GRM7: variants seen among roughly 807,000 people sequenced by gnomAD.
GRM7 encodes glutamate metabotropic receptor 7.
Under a neutral mutation model 84.5 loss-of-function variants are expected in GRM7, and 35 were observed. The observed-to-expected ratio is 0.41, with a 90% CI of 0.32 to 0.55. The LOEUF (loss-of-function observed/expected upper bound fraction) is 0.55. Among genes scored for constraint, GRM7 ranks in the 20% least tolerant of loss-of-function variants. GRM7 has a pLI of 0.19. For missense variants in GRM7, 1,003 were observed against 1,194.6 expected (o/e 0.84, Z 2.36); for synonymous variants, 487 against 455.1 (o/e 1.07, Z -0.89).
intron 7 of GRM7, among the ~76,000 whole-genome samples, chr3:7,551,133 T>A (rs1693449827): frequency 6.6e-6 from 1 of 152,210 alleles, no homozygotes; most frequent in South Asian, 2.1e-4. Flanking sequence ...CAAAACTCCA[T>A]CTTTCCAAGA....
At chr3:7,609,162 C>T (rs1696731572) in intron 8 of GRM7, among the ~76,000 whole-genome samples, 1 of 152,106 alleles carries the variant, frequency 6.6e-6, no homozygotes, top group African/African-American at 2.4e-5. Flanking sequence ...ATCCCTCATA[C>T]AACTCCTCAA....
At chr3:7,531,506 TCTC>T (rs1701035256) in intron 7 of GRM7, among the ~76,000 whole-genome samples, 1 of 152,176 alleles carries the variant, frequency 6.6e-6, no homozygotes, top group Non-Finnish European at 1.5e-5. Context: ...GGTTTGTAGT[TCTC>T]CTTGAAGGGG....
At chr3:7,570,038 G>A (rs140651105) in intron 7 of GRM7, among the ~76,000 whole-genome samples, 22 of 152,290 alleles carry the variant, frequency 1.4e-4, no homozygotes, top group African/African-American at 5.1e-4. Context: ...CAGATCTCAT[G>A]AGACTCATTC....
rs1352193984 is a variant in GRM7 at position 7,566,116 on chromosome 3, T to G, written c.1516-12306T>G. 5.4e-4 allele frequency among the ~76,000 whole-genome samples: 80 copies of G among 149,412 alleles called. No homozygotes were observed. The Middle Eastern group carries it at 0.01, about 19-fold the overall frequency. On this transcript the variant is annotated intron_variant, in intron 7 of 9. Transcript: ENST00000357716. ...TCTGAATCAGCTGTTTTTTTTTTTT[T>G]TTTTTTTTTTTTTTTTGTAAAAGAT...
chr3:7,066,013 G>A (rs1559416540), intron 1 of GRM7, among the ~76,000 whole-genome samples: 1 of 151,628 alleles, frequency 6.6e-6, no homozygotes, highest in Non-Finnish European at 1.5e-5. Flanking sequence ...AAAACCTCTG[G>A]GATACAGCAA....
intron 7 of GRM7, among the ~76,000 whole-genome samples, chr3:7,529,712 T>C (rs995400808): frequency 1.3e-5 from 2 of 152,040 alleles, no homozygotes; most frequent in Non-Finnish European, 2.9e-5. Context: ...ATTGTTTTTA[T>C]TGTTTCTACT....
chr3:6,965,670 G>T (rs955932196), intron 1 of GRM7, among the ~76,000 whole-genome samples: 16 of 152,084 alleles, frequency 1.1e-4, no homozygotes, highest in African/African-American at 2.9e-4. Context: ...CTTCCTGCCT[G>T]CACCTGATAG....
At chr3:7,495,060 T>C (rs76493995) in intron 7 of GRM7, among the ~76,000 whole-genome samples, 16,472 of 152,222 alleles carry the variant, frequency 0.11, 1,011 homozygotes, top group Non-Finnish European at 0.12. Context: ...TTGTGTCTTA[T>C]ATATATGTTT....
At chr3:7,019,474 C>A (rs1221882662) in intron 1 of GRM7, among the ~76,000 whole-genome samples, 1 of 152,182 alleles carries the variant, frequency 6.6e-6, no homozygotes, top group African/African-American at 2.4e-5. Flanking sequence ...TAAATCCAAA[C>A]AAATAAAATG....
chr3:7,296,713 T>C (rs1459594810), intron 2 of GRM7, among the ~76,000 whole-genome samples: 1 of 152,096 alleles, frequency 6.6e-6, no homozygotes, highest in African/African-American at 2.4e-5. Flanking sequence ...ATCATCAGGG[T>C]TACCCTTCTT....
intron 2 of GRM7, among the ~76,000 whole-genome samples, chr3:7,218,813 A>G (rs553455204): frequency 1.6e-4 from 25 of 151,818 alleles, no homozygotes; most frequent in African/African-American, 5.8e-4. Flanking sequence ...GTGCATTACA[A>G]ATATATATAT....
chr3:6,927,989 G>A (rs1353167103), intron 1 of GRM7, among the ~76,000 whole-genome samples: 1 of 152,060 alleles, frequency 6.6e-6, no homozygotes, highest in Non-Finnish European at 1.5e-5. Context: ...GTAATCACTA[G>A]GTCGCAAATC....
chr3:6,862,960 T>C lies in GRM7; in HGVS notation c.519+1053T>C. On this transcript the variant is annotated intron_variant, in intron 1 of 9. Transcript: ENST00000357716. The surrounding 1 kb of genome is among the most constrained non-coding windows in gnomAD (Gnocchi z 5.2). ...TCTGCCGCAGTGTTCTCTCGCCTCC[T>C]GCTCCAGCAGCCTCTGCCCCATGGC... The C allele has an allele frequency of 2.2e-6, 1 of 455,980 alleles. No homozygotes were observed. Among genetic ancestry groups the C allele is most frequent in the Non-Finnish European group, 4.4e-6 (1 of 226,654 alleles). The allele number at this position is 455,980 out of a possible 1,614,324, so 28.2% of individuals were successfully genotyped here.
At chr3:7,495,514 G>T (rs535600187) in intron 7 of GRM7, among the ~76,000 whole-genome samples, 144 of 152,124 alleles carry the variant, frequency 9.5e-4, no homozygotes, top group Non-Finnish European at 1.5e-3. Context: ...AGGCTTCCTG[G>T]ACCAAACTCT....
At chr3:7,057,874 A>G (rs547585445) in intron 1 of GRM7, among the ~76,000 whole-genome samples, 18 of 152,022 alleles carry the variant, frequency 1.2e-4, no homozygotes, top group African/African-American at 3.4e-4. Context: ...ACGTAGGCAA[A>G]TGATCTACTT....
rs1697390526 is a variant in GRM7 at position 6,928,542 on chromosome 3, C to T, written c.519+66635C>T. 6.6e-6 allele frequency among the ~76,000 whole-genome samples: 1 copy of T among 151,998 alleles called. No individual in the cohort carries two copies. On this transcript the variant is annotated intron_variant, in intron 1 of 9. Transcript: ENST00000357716. The surrounding 1 kb of genome is among the most constrained non-coding windows in gnomAD (Gnocchi z 4.5). Reference sequence around the variant, plus strand: ...AGCAGATGTTTTTCCTAACCAAGTGCCATATACCTTTTAAAATAAATGTTT... The same window carrying T: ...AGCAGATGTTTTTCCTAACCAAGTGTCATATACCTTTTAAAATAAATGTTT...
chr3:7,596,518 G>A (rs552739072), intron 8 of GRM7, among the ~76,000 whole-genome samples: 1 of 152,296 alleles, frequency 6.6e-6, no homozygotes, highest in African/African-American at 2.4e-5. Context: ...AGAGGAAGTA[G>A]CAAAGGAGCT....
chr3:7,291,536 C>A (rs1334571331), intron 2 of GRM7, among the ~76,000 whole-genome samples: 1 of 111,378 alleles, frequency 9.0e-6, no homozygotes, highest in African/African-American at 4.2e-5. Flanking sequence ...CTCTCTCTCT[C>A]TCTCTCTCTC....
intron 1 of GRM7, among the ~76,000 whole-genome samples, chr3:6,966,799 G>A (rs776552103): frequency 1.3e-5 from 2 of 152,164 alleles, no homozygotes; most frequent in Non-Finnish European, 2.9e-5. Context: ...AATTTATTGA[G>A]CCCAGATGTG....
Sources: gnomAD v4.1 joint callset for allele counts (sites outside exome capture counted in the v4.1 genomes callset) on GRCh38, gnomAD v4.1.1 for gene constraint, Gnocchi (gnomAD v3.1) non-coding constraint, MANE v1.5 for transcripts, NCBI Gene and HGNC (gene_info 2026-07-23, HGNC 2026-07-21) for gene names.